Variants in INTU observed in about 807,000 individuals in gnomAD.
The protein encoded by INTU is inturned planar cell polarity protein, also known as protein inturned.
INTU carries 68 observed loss-of-function variants against 100.5 expected under a neutral mutation model. The ratio of observed to expected loss-of-function variants is 0.68; its 90% CI spans 0.56 to 0.83. The LOEUF (loss-of-function observed/expected upper bound fraction) is 0.83. INTU is among the 40% of genes least tolerant of loss of function. The pLI is 0.00. For synonymous variants in INTU, 357 were observed against 395.7 expected (o/e 0.90, Z 1.16); for missense variants, 1,071 against 1,114.7 (o/e 0.96, Z 0.56).
chr4:127,633,283 T>A, intron 1 of INTU, 103 bp downstream of exon 1: 2 of 1,211,750 alleles, frequency 1.7e-6, no homozygotes, highest in South Asian at 3.1e-5. Flanking sequence ...TGGAATCGAG[T>A]ATTTGGGGTT....
chr4:127,711,674 G>A (rs1321291686), intron 14 of INTU, among the ~76,000 whole-genome samples: 1 of 152,148 alleles, frequency 6.6e-6, no homozygotes, highest in Non-Finnish European at 1.5e-5. Flanking sequence ...CTATTATTGT[G>A]AACTGTGCAT....
intron 2 of INTU, among the ~76,000 whole-genome samples, chr4:127,649,398 T>G (rs1727730750): frequency 6.6e-6 from 1 of 152,180 alleles, no homozygotes; most frequent in Non-Finnish European, 1.5e-5. Flanking sequence ...TGCCTCGGCT[T>G]GTAAGATGTA....
chr4:127,708,764 TTCTGATATA>T (rs1730984438), intron 13 of INTU, 96 bp downstream of exon 13: 1 of 622,750 alleles, frequency 1.6e-6, no homozygotes, highest in Admixed American at 3.0e-5. Context: ...ACAAATGTAA[TTCTGATATA>T]TCTTACATAT....
chr4:127,636,301 A>C (rs187039712), intron 1 of INTU, among the ~76,000 whole-genome samples: 1 of 151,992 alleles, frequency 6.6e-6, no homozygotes, highest in Admixed American at 6.5e-5. Context: ...GGTACAGTGA[A>C]GCCCTATCAC....
In INTU at chr4:127,699,933, T is replaced by C; in HGVS notation, c.1450-77T>C. 4.6e-6 allele frequency: 5 copies of C among 1,078,122 alleles called. 1 individual carries two copies. In the South Asian group the frequency reaches 8.7e-5, roughly 19 times the overall value. The allele number at this position is 1,078,122 out of a possible 1,614,324, so 66.8% of individuals were successfully genotyped here. A position where few individuals can be genotyped will look rare whatever the true frequency, so the allele number is the denominator to read the frequency against. ...ATTTTTCAAGTAGTAATTAAGCACT[T>C]TTTATATGGCCATTACTAAAAAAGT... is the stretch of plus-strand genomic sequence containing the variant. On this transcript the variant is annotated intron_variant, in intron 8 of 15. Coordinates refer to ENST00000335251, the MANE Select transcript of INTU (RefSeq NM_015693.4).
intron 4 of INTU, among the ~76,000 whole-genome samples, chr4:127,665,957 A>C (rs1322433194): frequency 6.6e-6 from 1 of 152,086 alleles, no homozygotes; most frequent in Non-Finnish European, 1.5e-5. Context: ...TATTTTCTCT[A>C]ATCTATTTGA....
intron 7 of INTU, among the ~76,000 whole-genome samples, chr4:127,684,706 T>A (rs1272193533): frequency 1.3e-5 from 2 of 151,850 alleles, no homozygotes; most frequent in African/African-American, 4.8e-5. Flanking sequence ...CCTCCTTCTT[T>A]TTCTCCTTCC....
chr4:127,676,700 A>G (rs762140330), intron 6 of INTU, among the ~76,000 whole-genome samples: 2 of 151,960 alleles, frequency 1.3e-5, no homozygotes, highest in Non-Finnish European at 2.9e-5. Context: ...CTGCATTTCC[A>G]TCTGAGGTAC....
Position 127,663,551 on chromosome 4 carries a change from A to G in INTU, c.939A>G (p.Thr313=). 6.2e-7 allele frequency: 1 copy of G among 1,613,308 alleles called. No homozygotes were observed. Among genetic ancestry groups the G allele is most frequent in the East Asian group, 2.2e-5 (1 of 44,868 alleles). Residue 313 remains threonine, a synonymous_variant, in exon 4 of 16, where the codon ACA becomes ACG. Coordinates refer to ENST00000335251, the MANE Select transcript of INTU (RefSeq NM_015693.4). ...LNTPHIIMYL[T]LQLDSETSKE... ...CTCCTCATATCATTATGTATCTCAC[A>G]CTACAGCTCGACTCAGAAACCTCAA...
rs749856762 is a variant in INTU at position 127,705,813 on chromosome 4, G to A, written c.1788+1G>A. 1.9e-6 allele frequency: 3 copies of A among 1,612,022 alleles called. No homozygotes were observed. The highest frequency in any genetic ancestry group is 1.7e-6 in the Non-Finnish European group (2 of 1,178,282). On this transcript the variant is annotated splice_donor_variant, in intron 11 of 15. Transcript: ENST00000335251. LOFTEE classifies it high-confidence loss of function. ...ATATTTTTTGCTAGTTGTTGGCTTG[G>A]TAAGTTTACCTCAGCTTCTTTCTTA...
At chr4:127,653,680 G>A (rs900583509) in intron 2 of INTU, among the ~76,000 whole-genome samples, 3 of 149,856 alleles carry the variant, frequency 2.0e-5, no homozygotes, top group African/African-American at 7.3e-5. Context: ...GTGTGGTGCT[G>A]AAAAAAATGT....
Position 127,726,074 on chromosome 4 carries a change from T to C in INTU, c.*9638T>C, listed in dbSNP as rs1731412714. ...TGTGAAAAACTATATATAGCTAGCA[T>C]TTTTTAAAATATCAAATACTGTCTC... On this transcript the variant is annotated 3_prime_UTR_variant, in exon 16 of 16. Transcript: ENST00000335251. 6.6e-6 allele frequency: 1 copy of C among 152,216 alleles called. No homozygotes were observed. 9.4% of individuals were successfully genotyped at this position (152,216 alleles called of 1,614,324 possible).
chr4:127,641,460 T>C (rs1727329698), intron 1 of INTU, among the ~76,000 whole-genome samples: 1 of 152,102 alleles, frequency 6.6e-6, no homozygotes, highest in African/African-American at 2.4e-5. Context: ...GTTACTCCTG[T>C]TTGAAATCCT....
chr4:127,653,013 G>T (rs1359822956), intron 2 of INTU, among the ~76,000 whole-genome samples: 7 of 151,582 alleles, frequency 4.6e-5, no homozygotes, highest in South Asian at 2.1e-4. Context: ...TTGCGTAGAG[G>T]TGTTTGTAGT....
chr4:127,645,552 TTTTA>T (rs572976946), intron 2 of INTU, among the ~76,000 whole-genome samples: 1 of 151,726 alleles, frequency 6.6e-6, no homozygotes, highest in African/African-American at 2.4e-5. Flanking sequence ...TTATTTTTTA[TTTTA>T]TTTATTTATT....
intron 6 of INTU, among the ~76,000 whole-genome samples, chr4:127,677,524 AC>A (rs552779984): frequency 0.013 from 1,943 of 151,248 alleles, 24 homozygotes; most frequent in Non-Finnish European, 0.018. Context: ...ACTCCAACAG[AC>A]CTGCAGCTGA....
At chr4:127,647,990 G>A (rs1163135082) in intron 2 of INTU, among the ~76,000 whole-genome samples, 1 of 152,020 alleles carries the variant, frequency 6.6e-6, no homozygotes, top group Non-Finnish European at 1.5e-5. Flanking sequence ...AGAAATTGAT[G>A]GCTTTTCTCA....
Position 127,633,111 on chromosome 4 carries a change from A to T in INTU, c.77A>T (p.Asp26Val). The change falls in exon 1 of 16, where the codon GAT becomes GTT. Residue 26 changes from aspartate to valine, a missense_variant. Transcript: ENST00000335251. ...LPGDPSSQEE[D>V]EDYDFEDRVS... ...GGAGACCCCTCTTCACAAGAAGAAG[A>T]TGAGGACTATGATTTTGAAGATCGG... is the stretch of plus-strand genomic sequence containing the variant. 3 of 1,614,082 alleles carry T rather than the reference A, an allele frequency of 1.9e-6. No individual in the cohort carries two copies. Among genetic ancestry groups the T allele is most frequent in the Non-Finnish European group, 1.7e-6 (2 of 1,179,942 alleles).
chr4:127,648,029 T>G (rs1376520849), intron 2 of INTU, among the ~76,000 whole-genome samples: 5 of 152,190 alleles, frequency 3.3e-5, no homozygotes, highest in Non-Finnish European at 5.9e-5. Flanking sequence ...TGAGGAACTG[T>G]GATAAACTGA....
Sources: gnomAD v4.1 joint callset for allele counts (sites outside exome capture counted in the v4.1 genomes callset) on GRCh38, gnomAD v4.1.1 for gene constraint, MANE v1.5 for transcripts, NCBI Gene and HGNC (gene_info 2026-07-23, HGNC 2026-07-21) for gene names.